The following NAV3 variants were observed in gnomAD, a reference collection of about 807,000 sequenced individuals.
NAV3 encodes the protein neuron navigator 3, also known as pore membrane and/or filament interacting like protein 1.
NAV3 carries 87 observed loss-of-function variants against 244.7 expected under a neutral mutation model. The observed-to-expected ratio is 0.36, with a 90% CI of 0.30 to 0.42. The LOEUF is 0.42. NAV3 is among the 20% of genes least tolerant of loss of function. The probability of loss-of-function intolerance (pLI) is 1.00; values close to 1 mark genes in which losing one functional copy is unlikely to be tolerated. For synonymous variants in NAV3, 1,126 were observed against 1,042.2 expected, an observed-to-expected ratio of 1.08 and a Z score of -1.55; for missense variants, 2,663 against 2,893.3, an observed-to-expected ratio of 0.92 and a Z score of 1.83.
At chr12:77,951,912 C>G (rs542424701) in intron 3 of NAV3, among the ~76,000 whole-genome samples, 23 of 152,072 alleles carry the variant, frequency 1.5e-4, no homozygotes, top group African/African-American at 5.5e-4. Context: ...ACACCAGGGT[C>G]TGTCGTGGGG....
chr12:77,602,630 G>C (rs1223543777), intron 2 of NAV3, among the ~76,000 whole-genome samples: 5 of 151,842 alleles, frequency 3.3e-5, no homozygotes, highest in African/African-American at 4.8e-5. Context: ...AGCAGAGGGG[G>C]AGATGGGCAG....
chr12:78,053,373 C>T (rs1285955980), intron 11 of NAV3, among the ~76,000 whole-genome samples: 1 of 151,920 alleles, frequency 6.6e-6, no homozygotes, highest in East Asian at 1.9e-4. Context: ...AACTATTGCC[C>T]CTAGTAGAGA....
intron 2 of NAV3, among the ~76,000 whole-genome samples, chr12:77,661,884 G>T (rs894457820): frequency 4.6e-5 from 7 of 151,822 alleles, no homozygotes; most frequent in African/African-American, 1.7e-4. Context: ...GTATTTTGTT[G>T]TACATGTACA....
chr12:77,872,334 C>T (rs1881099834), intron 1 of NAV3, among the ~76,000 whole-genome samples: 1 of 151,930 alleles, frequency 6.6e-6, no homozygotes, highest in African/African-American at 2.4e-5. Flanking sequence ...TGTGTAAGAC[C>T]AGCTAATACG....
At chr12:77,919,468 C>A (rs910182265) in intron 1 of NAV3, among the ~76,000 whole-genome samples, 1 of 152,002 alleles carries the variant, frequency 6.6e-6, no homozygotes, top group East Asian at 1.9e-4. Context: ...ATTGCAACTC[C>A]GTATCTGTGG....
intron 38 of NAV3, among the ~76,000 whole-genome samples, chr12:78,203,717 C>T (rs1959985707): frequency 2.0e-5 from 3 of 152,182 alleles, no homozygotes; most frequent in South Asian, 4.1e-4. Flanking sequence ...ACCTACTAAC[C>T]AGGATTGTCC....
At chr12:77,620,372 A>T (rs1177090991) in intron 2 of NAV3, among the ~76,000 whole-genome samples, 3 of 152,226 alleles carry the variant, frequency 2.0e-5, no homozygotes, top group African/African-American at 7.2e-5. Flanking sequence ...TGAGGAAAAA[A>T]TGCAGTTATC....
At chr12:78,053,359 C>A (rs1407703549) in intron 11 of NAV3, among the ~76,000 whole-genome samples, 5 of 152,004 alleles carry the variant, frequency 3.3e-5, no homozygotes, top group Non-Finnish European at 5.9e-5. Context: ...ATTAGTGAAT[C>A]CTGAACTATT....
intron 2 of NAV3, among the ~76,000 whole-genome samples, chr12:77,623,054 G>A (rs1424398777): frequency 1.3e-5 from 2 of 152,208 alleles, no homozygotes. Context: ...GTTGACAGAA[G>A]TGTGACTTGC....
chr12:77,764,741 T>C (rs1869653633), intron 2 of NAV3, among the ~76,000 whole-genome samples: 1 of 152,258 alleles, frequency 6.6e-6, no homozygotes, highest in Admixed American at 6.5e-5. Context: ...GTAGGAGATC[T>C]ATGCTTGTGA....
At chr12:77,614,405 C>T (rs1240325900) in intron 2 of NAV3, among the ~76,000 whole-genome samples, 1 of 151,920 alleles carries the variant, frequency 6.6e-6, no homozygotes, top group Non-Finnish European at 1.5e-5. Context: ...GTTAGTAGCC[C>T]TGTATTTTCT....
chr12:77,979,226 A>C (rs1384695528), intron 5 of NAV3, among the ~76,000 whole-genome samples: 1 of 378 alleles, frequency 2.6e-3, no homozygotes, highest in African/African-American at 4.8e-3. Flanking sequence ...ATACAATACA[A>C]AAAAAAAAAA....
At chr12:77,706,353 A>G (rs552874314) in intron 2 of NAV3, among the ~76,000 whole-genome samples, 1 of 151,552 alleles carries the variant, frequency 6.6e-6, no homozygotes, top group South Asian at 2.1e-4. Context: ...TTCAAAGACT[A>G]TGAGATACTT....
intron 2 of NAV3, among the ~76,000 whole-genome samples, chr12:77,700,962 T>C (rs1013401070): frequency 1.3e-5 from 2 of 151,608 alleles, no homozygotes; most frequent in African/African-American, 4.8e-5. Flanking sequence ...AACTTTCTAA[T>C]ATTTCATTAA....
At chr12:77,825,017 G>C (rs1396959985) in intron 2 of NAV3, among the ~76,000 whole-genome samples, 1 of 152,190 alleles carries the variant, frequency 6.6e-6, no homozygotes, top group Non-Finnish European at 1.5e-5. Context: ...ACAAAGATCA[G>C]ACATGTGATG....
At chr12:77,580,363 G>T (rs1486282370) in intron 2 of NAV3, among the ~76,000 whole-genome samples, 8 of 152,082 alleles carry the variant, frequency 5.3e-5, no homozygotes, top group African/African-American at 1.7e-4. Flanking sequence ...CTTCTACTGA[G>T]CTGCATCTTA....
At chr12:77,983,431 AAATAT>A (rs1278792211) in intron 5 of NAV3, among the ~76,000 whole-genome samples, 21 of 152,238 alleles carry the variant, frequency 1.4e-4, no homozygotes, top group African/African-American at 4.3e-4. Context: ...GTAAGACAGA[AAATAT>A]AATATGATAG....
chr12:78,035,607 G>A (rs1323024348), intron 9 of NAV3, among the ~76,000 whole-genome samples: 1 of 152,178 alleles, frequency 6.6e-6, no homozygotes, highest in Non-Finnish European at 1.5e-5. Context: ...GACACAATGT[G>A]CATTTTGTGT....
At chr12:77,703,739 A>G (rs1411437271) in intron 2 of NAV3, among the ~76,000 whole-genome samples, 1 of 152,158 alleles carries the variant, frequency 6.6e-6, no homozygotes, top group African/African-American at 2.4e-5. Context: ...TCTTTTTGAC[A>G]ATTCCACAAA....
Sources: gnomAD v4.1 joint callset for allele counts (sites outside exome capture counted in the v4.1 genomes callset) on GRCh38, gnomAD v4.1.1 for gene constraint, MANE v1.5 for transcripts, NCBI Gene and HGNC (gene_info 2026-07-23, HGNC 2026-07-21) for gene names.